The following ITGA1 variants were observed in gnomAD, a reference collection of about 807,000 sequenced individuals.
ITGA1 encodes integrin subunit alpha 1.
A neutral mutation model predicts 145.9 loss-of-function variants in ITGA1; 85 were observed. That is an observed-to-expected ratio of 0.58 (90% CI 0.49 to 0.70). The LOEUF is 0.70. ITGA1 is among the 30% of genes least tolerant of loss of function. The pLI is 0.00. For missense variants in ITGA1, 1,351 were observed against 1,418.7 expected (o/e 0.95, Z 0.77); for synonymous variants, 520 against 495.3 (o/e 1.05, Z -0.66).
At chr5:52,892,165 G>A (rs1408910042) in intron 8 of ITGA1, among the ~76,000 whole-genome samples, 1 of 152,064 alleles carries the variant, frequency 6.6e-6, no homozygotes, top group Non-Finnish European at 1.5e-5. Context: ...TTCTTTTAAT[G>A]GGAAAAAGAT....
At chr5:52,910,103 T>A in intron 13 of ITGA1, 59 bp from the exon 14 acceptor site, 1 of 1,485,814 alleles carries the variant, frequency 6.7e-7, no homozygotes, top group Non-Finnish European at 9.2e-7. Flanking sequence ...ACTTTAAAAA[T>A]TCTACTCTGC....
rs1011714444 is a variant in ITGA1 at position 52,937,434 on chromosome 5, C to T, written c.2998C>T (p.Leu1000Phe). The change falls in exon 24 of 29, where the codon CTT (leucine) becomes TTT (phenylalanine). Residue 1000 changes from leucine to phenylalanine, a missense_variant. Transcript: ENST00000282588. The part of the protein sequence containing the change: ...RKSGSFPMPE[L>F]KLSISFPNMT... Reference sequence around the variant, plus strand: ...AAGTGGATCTTTTCCAATGCCAGAGCTTAAGCTGTCAATTTCATTCCCCAA... The same window carrying T: ...AAGTGGATCTTTTCCAATGCCAGAGTTTAAGCTGTCAATTTCATTCCCCAA... 23 of 1,613,332 alleles carry T rather than the reference C, an allele frequency of 1.4e-5. No homozygotes were observed. Among genetic ancestry groups the T allele is most frequent in the Non-Finnish European group, 2.0e-5 (23 of 1,179,368 alleles).
At position 52,927,557 on chromosome 5, in the gene ITGA1, C is replaced by G; in HGVS notation, c.2614-27C>G. ...TCAATATTTCACCTGCTTGTCCACT[C>G]TGATTCTGTTTGCTTTCTCTTCCTA... is the stretch of plus-strand genomic sequence containing the variant. On this transcript the variant is annotated intron_variant, in intron 19 of 28. Transcript: ENST00000282588. 2.0e-6 allele frequency: 3 copies of G among 1,521,360 alleles called. 1 individual carries two copies. Among genetic ancestry groups the G allele is most frequent in the Non-Finnish European group, 9.1e-7 (1 of 1,100,954 alleles). The allele number at this position is 1,521,360 out of a possible 1,614,324, so 94.2% of individuals were successfully genotyped here. A position where few individuals can be genotyped will look rare whatever the true frequency, so the allele number is the denominator to read the frequency against.
chr5:52,945,101 A>G (rs1057384697), intron 27 of ITGA1, 66 bp downstream of exon 27: 4 of 1,189,482 alleles, frequency 3.4e-6, no homozygotes, highest in African/African-American at 3.0e-5. Context: ...ATAATGTTTT[A>G]TAATTGTTGA....
In ITGA1 at chr5:52,957,064, T is replaced by TGTAATC. The variant is rs1172944874; in HGVS notation, c.*4615_*4620dup. On this transcript the variant is annotated 3_prime_UTR_variant, in exon 29 of 29. Coordinates refer to ENST00000282588, the MANE Select transcript of ITGA1 (RefSeq NM_181501.2). ...GAAAATTAGGGTTAAACTGTAACAT[T>TGTAATC]GTAATCGGACGAACAAATCAGCATC... 13 of 152,320 alleles carry TGTAATC rather than the reference T, an allele frequency of 8.5e-5. 1 individual carries two copies. In the East Asian group the frequency reaches 2.5e-3, roughly 29 times the overall value. The allele number at this position is 152,320 out of a possible 1,614,324, so 9.4% of individuals were successfully genotyped here. A position where few individuals can be genotyped will look rare whatever the true frequency, so the allele number is the denominator to read the frequency against.
chr5:52,853,766 T>C (rs764807905), intron 2 of ITGA1, among the ~76,000 whole-genome samples: 1 of 152,220 alleles, frequency 6.6e-6, no homozygotes, highest in Non-Finnish European at 1.5e-5. Flanking sequence ...TGTTGTTCAT[T>C]ATGTTTAGCA....
intron 1 of ITGA1, among the ~76,000 whole-genome samples, chr5:52,830,725 A>C (rs542873625): frequency 6.6e-6 from 1 of 152,276 alleles, no homozygotes; most frequent in African/African-American, 2.4e-5. Flanking sequence ...ATGAAGGAAA[A>C]ATATGTTACA....
intron 1 of ITGA1, among the ~76,000 whole-genome samples, chr5:52,840,843 C>T (rs561640914): frequency 6.6e-6 from 1 of 152,186 alleles, no homozygotes; most frequent in Non-Finnish European, 1.5e-5. Flanking sequence ...TGATTTATTC[C>T]ATCCTGTCCC....
At chr5:52,937,254 G>A in intron 23 of ITGA1, 147 bp from the exon 24 acceptor site, 1 of 631,470 alleles carries the variant, frequency 1.6e-6, no homozygotes, top group Admixed American at 2.6e-5. Flanking sequence ...CCAATTCTCT[G>A]TACAGCACCA....
intron 22 of ITGA1, 163 bp downstream of exon 22, chr5:52,932,299 G>C (rs1367073976): frequency 1.8e-6 from 1 of 565,200 alleles, no homozygotes; most frequent in Non-Finnish European, 3.1e-6. Flanking sequence ...CGGAGGATGG[G>C]GTTAAACAAG....
chr5:52,861,330 A>T lies in ITGA1; in HGVS notation c.183-117A>T, dbSNP rs1410602540. 3 of 656,490 alleles carry T rather than the reference A, an allele frequency of 4.6e-6. No individual in the cohort carries two copies. The African/African-American group carries it at 5.4e-5, about 12-fold the overall frequency. The allele number at this position is 656,490 out of a possible 1,614,324, so 40.7% of individuals were successfully genotyped here. A position where few individuals can be genotyped will look rare whatever the true frequency, so the allele number is the denominator to read the frequency against. Reference sequence around the variant, plus strand: ...TACATAACATTAAATTACTAATAGCATGATTATTATCTGATTATGAGTGTT... The same window carrying T: ...TACATAACATTAAATTACTAATAGCTTGATTATTATCTGATTATGAGTGTT... On this transcript the variant is annotated intron_variant, in intron 2 of 28. Coordinates refer to ENST00000282588, the MANE Select transcript of ITGA1 (RefSeq NM_181501.2).
intron 14 of ITGA1, among the ~76,000 whole-genome samples, chr5:52,914,549 T>A (rs1750612956): frequency 6.7e-6 from 1 of 150,122 alleles, no homozygotes; most frequent in South Asian, 2.1e-4. Context: ...GGCAGGAGAA[T>A]CACTTGAACC....
chr5:52,790,446 A>G (rs1461185657), intron 1 of ITGA1, among the ~76,000 whole-genome samples: 2 of 152,238 alleles, frequency 1.3e-5, no homozygotes, highest in African/African-American at 4.8e-5. Flanking sequence ...GGTCAGAAGT[A>G]TCACTGGGCT....
At chr5:52,930,729 A>G (rs1034890800) in intron 21 of ITGA1, among the ~76,000 whole-genome samples, 2 of 152,186 alleles carry the variant, frequency 1.3e-5, no homozygotes, top group East Asian at 1.9e-4. Context: ...GGCAAAATAT[A>G]TAGCTTGATT....
At chr5:52,796,066 A>G (rs1348505837) in intron 1 of ITGA1, among the ~76,000 whole-genome samples, 1 of 152,032 alleles carries the variant, frequency 6.6e-6, no homozygotes, top group Admixed American at 6.5e-5. Flanking sequence ...TGTTGTTTAA[A>G]CACTTAAAAA....
At chr5:52,939,788 T>A in intron 25 of ITGA1, 52 bp from the exon 26 acceptor site, 2 of 1,313,060 alleles carry the variant, frequency 1.5e-6, no homozygotes, top group Non-Finnish European at 2.2e-6. Context: ...TAAATATAGA[T>A]ATTTGATAAA....
At chr5:52,867,676 A>G (rs533369647) in intron 6 of ITGA1, among the ~76,000 whole-genome samples, 1 of 151,974 alleles carries the variant, frequency 6.6e-6, no homozygotes, top group South Asian at 2.1e-4. Context: ...GGCCAATAAG[A>G]TAGCATAGAG....
At chr5:52,859,771 A>G (rs1293363241) in intron 2 of ITGA1, among the ~76,000 whole-genome samples, 1 of 152,168 alleles carries the variant, frequency 6.6e-6, no homozygotes, top group Admixed American at 6.6e-5. Flanking sequence ...ACTCCTAACT[A>G]TCTGAGTCAT....
chr5:52,804,670 A>C (rs1748556553), intron 1 of ITGA1, among the ~76,000 whole-genome samples: 1 of 152,196 alleles, frequency 6.6e-6, no homozygotes. Context: ...CTGGAACTGG[A>C]ATTATCTTTG....
Sources: allele counts gnomAD v4.1 joint callset (sites outside exome capture counted in the v4.1 genomes callset), GRCh38; gene constraint gnomAD v4.1.1; transcripts MANE v1.5; gene names NCBI Gene and HGNC (gene_info 2026-07-23, HGNC 2026-07-21).